Variants in CTNNBIP1 observed in about 807,000 individuals in gnomAD.
CTNNBIP1 encodes catenin beta interacting protein 1, also known as beta-catenin-interacting protein 1.
A neutral mutation model predicts 11.8 loss-of-function variants in CTNNBIP1; 7 were observed. That is an observed-to-expected ratio of 0.60 (90% CI 0.34 to 1.12). The LOEUF is 1.12. CTNNBIP1 is among the 50% of genes most tolerant of loss of function. The probability of loss-of-function intolerance (pLI) is 0.03; values close to 1 mark genes in which losing one functional copy is unlikely to be tolerated. For missense variants in CTNNBIP1, 101 were observed against 113.4 expected (o/e 0.89, Z 0.50); for synonymous variants, 58 against 43.9 (o/e 1.32, Z -1.26).
In CTNNBIP1 at chr1:9,882,924, C is replaced by T. The variant is rs530893113; in HGVS notation, c.-110+781G>A. On this transcript the variant is annotated intron_variant, in intron 2 of 5. Coordinates refer to ENST00000377263, the MANE Select transcript of CTNNBIP1 (RefSeq NM_020248.3). ...GGGTTCCAGGGCCAGAATCGAAACA[C>T]GGTGACAAGCTAGTTCCGGGAAACA... Among the ~76,000 whole-genome samples, 29 of 152,264 alleles carry T rather than the reference C, an allele frequency of 1.9e-4. No homozygotes were observed. In the South Asian group the frequency reaches 3.1e-3, roughly 16 times the overall value.
intron 1 of CTNNBIP1, among the ~76,000 whole-genome samples, chr1:9,891,123 G>A (rs891981742): frequency 6.6e-6 from 1 of 151,780 alleles, no homozygotes; most frequent in South Asian, 2.1e-4. Flanking sequence ...CAAGAAGAAA[G>A]GGGGAAAACT....
Position 9,849,851 on chromosome 1 carries a change from C to T in CTNNBIP1, c.*867G>A, listed in dbSNP as rs1317112134. On this transcript the variant is annotated 3_prime_UTR_variant, in exon 6 of 6. Transcript: ENST00000377263. ...ATCCCGCCTAACGGTTACCTCTAGG[C>T]CCTGGGCTGCTCGTTCAAGACGACA... The T allele has an allele frequency of 6.6e-6, 1 of 152,216 alleles. No homozygotes were observed. Among genetic ancestry groups the T allele is most frequent in the East Asian group, 1.9e-4 (1 of 5,194 alleles). The allele number at this position is 152,216 out of a possible 1,614,324, so 9.4% of individuals were successfully genotyped here.
At chr1:9,890,704 C>T (rs1396468213) in intron 1 of CTNNBIP1, among the ~76,000 whole-genome samples, 1 of 152,172 alleles carries the variant, frequency 6.6e-6, no homozygotes, top group Admixed American at 6.5e-5. Flanking sequence ...TGAGGCCTCC[C>T]AGGCCTGACC....
chr1:9,881,100 A>G (rs1378830568), intron 2 of CTNNBIP1, among the ~76,000 whole-genome samples: 1 of 152,016 alleles, frequency 6.6e-6, no homozygotes, highest in Non-Finnish European at 1.5e-5. Context: ...CAGTGGTGCA[A>G]TCATGGCTCA....
intron 2 of CTNNBIP1, among the ~76,000 whole-genome samples, chr1:9,881,124 C>T (rs1307300672): frequency 6.6e-6 from 1 of 152,054 alleles, no homozygotes; most frequent in Non-Finnish European, 1.5e-5. Flanking sequence ...CAGCCTTGAA[C>T]TCCCTAGCTC....
At chr1:9,875,124 C>T (rs1638939111) in intron 3 of CTNNBIP1, among the ~76,000 whole-genome samples, 1 of 152,206 alleles carries the variant, frequency 6.6e-6, no homozygotes, top group Admixed American at 6.5e-5. Context: ...CCAGACCACC[C>T]GGTTCGAGCC....
At chr1:9,892,252 C>T (rs1639319216) in intron 1 of CTNNBIP1, among the ~76,000 whole-genome samples, 1 of 152,040 alleles carries the variant, frequency 6.6e-6, no homozygotes, top group Non-Finnish European at 1.5e-5. Flanking sequence ...GAAACCCCGT[C>T]TCTACTAAAA....
intron 1 of CTNNBIP1, among the ~76,000 whole-genome samples, chr1:9,887,043 A>G (rs1639203642): frequency 6.6e-6 from 1 of 152,240 alleles, no homozygotes. Context: ...TGCAGGCCAC[A>G]GCCCCATTCT....
chr1:9,856,126 C>T lies in CTNNBIP1; in HGVS notation c.188-5350G>A, dbSNP rs189274349. On this transcript the variant is annotated intron_variant, in intron 5 of 5. Coordinates refer to ENST00000377263, the MANE Select transcript of CTNNBIP1 (RefSeq NM_020248.3). ...TCGCACCACTGCATTCTAGTCTGGG[C>T]GACAGAGTGAGACTCTGTCTCAAAA... Among the ~76,000 whole-genome samples the T allele has an allele frequency of 2.0e-3, 303 of 151,102 alleles. 2 individuals carry two copies. The highest frequency in any genetic ancestry group is 6.8e-3 in the African/African-American group (279 of 41,098).
rs1261632290 is a variant in CTNNBIP1, at chr1:9,871,296, G to C, written c.97-19C>G. On this transcript the variant is annotated intron_variant, in intron 4 of 5. Transcript: ENST00000377263. The surrounding 1 kb of genome is among the most constrained non-coding windows in gnomAD (Gnocchi z 5.2). ...CTGTCAGCTGCAGGGTGAGAGAGCT[G>C]TGGTGAGGGGCAGCATGCACCTGTT... The C allele has an allele frequency of 3.2e-6, 5 of 1,540,336 alleles. No individual in the cohort carries two copies. Among genetic ancestry groups the C allele is most frequent in the Non-Finnish European group, 4.4e-6 (5 of 1,136,298 alleles).
At chr1:9,884,826 G>T (rs896237016) in intron 1 of CTNNBIP1, among the ~76,000 whole-genome samples, 1 of 152,160 alleles carries the variant, frequency 6.6e-6, no homozygotes, top group Non-Finnish European at 1.5e-5. Flanking sequence ...CCTGAGCAAA[G>T]ACGGGAAGAC....
At position 9,877,846 on chromosome 1, in the gene CTNNBIP1, C is replaced by G. The variant is rs540114202; in HGVS notation, c.-25+59G>C. On this transcript the variant is annotated intron_variant, in intron 3 of 5. Transcript: ENST00000377263. ...GCCTGGCGTCCAATAGGACTCCTCA[C>G]CCCCCACCCCACACTACTGTATGGC... The G allele has an allele frequency of 1.8e-4, 27 of 152,786 alleles. No individual in the cohort carries two copies. The Middle Eastern group carries it at 0.017, about 96-fold the overall frequency. 9.5% of individuals were successfully genotyped at this position (152,786 alleles called of 1,614,324 possible). A position where few individuals can be genotyped will look rare whatever the true frequency, so the allele number is the denominator to read the frequency against.
rs1417101962 is a variant in CTNNBIP1, at chr1:9,849,950, G to A, written c.*768C>T. The A allele has an allele frequency of 5.9e-5, 9 of 152,450 alleles. No individual in the cohort carries two copies. Among genetic ancestry groups the A allele is most frequent in the African/African-American group, 2.2e-4 (9 of 41,540 alleles). 9.4% of individuals were successfully genotyped at this position (152,450 alleles called of 1,614,324 possible). ...TTCTCGGGGTCCCCTTGCTGGTGGAGGCAGGTGCACTCATTAAAGCAAATG... is the reference window on the plus strand; with the variant it reads ...TTCTCGGGGTCCCCTTGCTGGTGGAAGCAGGTGCACTCATTAAAGCAAATG... On this transcript the variant is annotated 3_prime_UTR_variant, in exon 6 of 6. Coordinates refer to ENST00000377263, the MANE Select transcript of CTNNBIP1 (RefSeq NM_020248.3).
intron 1 of CTNNBIP1, among the ~76,000 whole-genome samples, chr1:9,896,877 GA>G (rs1351869083): frequency 6.6e-6 from 1 of 151,526 alleles, no homozygotes; most frequent in Non-Finnish European, 1.5e-5. Flanking sequence ...TGAGGCAGAA[GA>G]ATCAATGGAA....
chr1:9,898,657 A>T (rs1639458538), intron 1 of CTNNBIP1, among the ~76,000 whole-genome samples: 3 of 152,234 alleles, frequency 2.0e-5, no homozygotes, highest in Admixed American at 2.0e-4. Context: ...TGTAAACCTA[A>T]AAAAGAAATG....
intron 2 of CTNNBIP1, among the ~76,000 whole-genome samples, chr1:9,881,600 A>C (rs768345629): frequency 6.6e-6 from 1 of 151,654 alleles, no homozygotes; most frequent in African/African-American, 2.4e-5. Flanking sequence ...CAGTCTCCCA[A>C]AGTGCTGGGA....
chr1:9,879,494 C>T (rs1316040654), intron 2 of CTNNBIP1, among the ~76,000 whole-genome samples: 1 of 152,220 alleles, frequency 6.6e-6, no homozygotes, highest in East Asian at 1.9e-4. Context: ...ACTCTCTGTT[C>T]TGTGTGTCCC....
At chr1:9,897,493 A>C (rs950724271) in intron 1 of CTNNBIP1, among the ~76,000 whole-genome samples, 5 of 151,442 alleles carry the variant, frequency 3.3e-5, no homozygotes, top group Non-Finnish European at 7.4e-5. Flanking sequence ...CAAAACAAAA[A>C]AAATGAGAAT....
intron 5 of CTNNBIP1, among the ~76,000 whole-genome samples, chr1:9,859,665 C>T (rs1162208558): frequency 1.3e-5 from 2 of 152,226 alleles, no homozygotes; most frequent in African/African-American, 4.8e-5. Context: ...CTGCTATTGG[C>T]CCTGCAGGAT....
Sources: gnomAD v4.1 joint callset for allele counts (sites outside exome capture counted in the v4.1 genomes callset) on GRCh38, gnomAD v4.1.1 for gene constraint, Gnocchi (gnomAD v3.1) non-coding constraint, MANE v1.5 for transcripts, NCBI Gene and HGNC (gene_info 2026-07-23, HGNC 2026-07-21) for gene names.